Variants in UBAC2 observed in about 807,000 individuals in gnomAD.
UBAC2 encodes the protein UBA domain containing 2, also known as ubiquitin-associated domain-containing protein 2.
UBAC2 carries 26 observed loss-of-function variants against 44.0 expected under a neutral mutation model. That is an observed-to-expected ratio of 0.59 (90% CI 0.43 to 0.82). The LOEUF (loss-of-function observed/expected upper bound fraction) is 0.82. Ranked by LOEUF, UBAC2 falls within the 40% of genes least tolerant of loss-of-function variation. The pLI is 0.00. For missense variants in UBAC2, 329 were observed against 419.4 expected (o/e 0.78, Z 1.88); for synonymous variants, 155 against 154.3 (o/e 1.00, Z -0.04).
intron 4 of UBAC2, chr13:99,254,963 G>A (rs779000601): frequency 1.3e-5 from 21 of 1,613,820 alleles, no homozygotes; most frequent in East Asian, 6.7e-5. Context: ...AGGTAATTAC[G>A]GTATAGCATG....
chr13:99,250,977 C>T (rs1400842542), intron 4 of UBAC2, among the ~76,000 whole-genome samples: 10 of 152,118 alleles, frequency 6.6e-5, no homozygotes, highest in African/African-American at 2.2e-4. Flanking sequence ...TCTCGATCTC[C>T]TGACCTCGTG....
intron 4 of UBAC2, chr13:99,296,008 G>T (rs771815746): frequency 1.9e-6 from 3 of 1,613,710 alleles, no homozygotes; most frequent in Non-Finnish European, 2.5e-6. Context: ...AGTTTCCCAC[G>T]AGCCCAATGA....
chr13:99,279,295 A>T (rs1317283057), intron 4 of UBAC2, among the ~76,000 whole-genome samples: 1 of 152,188 alleles, frequency 6.6e-6, no homozygotes, highest in Non-Finnish European at 1.5e-5. Context: ...AAAGTTGACT[A>T]ATAAAAAGTT....
rs377652787 is a variant in UBAC2 at position 99,244,642 on chromosome 13, A to G, written c.389+18A>G. 3 of 1,450,592 alleles carry G rather than the reference A, an allele frequency of 2.1e-6. No homozygotes were observed. In the African/African-American group the frequency reaches 4.2e-5, roughly 20 times the overall value. The allele number at this position is 1,450,592 out of a possible 1,614,324, so 89.9% of individuals were successfully genotyped here. ...TCTGGATTGTAAGTAGCACTTAAAGATTGACTTAATTTAGAACTACTTGAA... is the reference window on the plus strand; with the variant it reads ...TCTGGATTGTAAGTAGCACTTAAAGGTTGACTTAATTTAGAACTACTTGAA... On this transcript the variant is annotated intron_variant, in intron 4 of 8. Coordinates refer to ENST00000403766, the MANE Select transcript of UBAC2 (RefSeq NM_001144072.2).
At position 99,385,342 on chromosome 13, in the gene UBAC2, C is replaced by T. The variant is rs761532728; in HGVS notation, c.*7C>T. 3.7e-6 allele frequency: 6 copies of T among 1,610,974 alleles called. No individual in the cohort carries two copies. The Admixed American group carries it at 1.0e-4, about 27-fold the overall frequency. On this transcript the variant is annotated 3_prime_UTR_variant, in exon 9 of 9. Transcript: ENST00000403766. ...CTTCCTGCTGCAGCACTGATAGTCCCAGGCCAACACTGGGACCGGACCGGC... is the reference window on the plus strand; with the variant it reads ...CTTCCTGCTGCAGCACTGATAGTCCTAGGCCAACACTGGGACCGGACCGGC...
chr13:99,211,766 G>A (rs1183216042), intron 1 of UBAC2, among the ~76,000 whole-genome samples: 1 of 152,206 alleles, frequency 6.6e-6, no homozygotes. Context: ...ATCTCCGTGT[G>A]TCTCCCAACC....
At chr13:99,272,111 G>A (rs1326111063) in intron 4 of UBAC2, among the ~76,000 whole-genome samples, 1 of 152,134 alleles carries the variant, frequency 6.6e-6, no homozygotes, top group Non-Finnish European at 1.5e-5. Flanking sequence ...CTCAGTCCCA[G>A]CTCTCTTTCC....
chr13:99,248,080 G>A (rs2142749204), intron 4 of UBAC2, among the ~76,000 whole-genome samples: 1 of 152,224 alleles, frequency 6.6e-6, no homozygotes, highest in East Asian at 1.9e-4. Context: ...GTTACTGCGT[G>A]CAGCTCTTTT....
At chr13:99,354,788 G>A (rs2138864890) in intron 7 of UBAC2, among the ~76,000 whole-genome samples, 1 of 152,306 alleles carries the variant, frequency 6.6e-6, no homozygotes, top group East Asian at 1.9e-4. Flanking sequence ...CACACTCACT[G>A]ACCGTGGCAT....
rs143571069 is a variant in UBAC2 at position 99,343,268 on chromosome 13, T to C, written c.807+2703T>C. Among the ~76,000 whole-genome samples, 43 of 151,580 alleles carry C rather than the reference T, an allele frequency of 2.8e-4. 1 individual carries two copies. The highest frequency in any genetic ancestry group is 9.4e-4 in the African/African-American group (39 of 41,338). On this transcript the variant is annotated intron_variant, in intron 7 of 8. Transcript: ENST00000403766. ...CACTTCATGGTGCAGCAGCAGTTTA[T>C]GCAAGTGGGATTCTTGGCTGTTTGC...
At chr13:99,222,856 T>C (rs1185883329) in intron 1 of UBAC2, among the ~76,000 whole-genome samples, 1 of 152,228 alleles carries the variant, frequency 6.6e-6, no homozygotes, top group Admixed American at 6.5e-5. Context: ...AGTGTAACAC[T>C]GGCTTCATAA....
intron 1 of UBAC2, among the ~76,000 whole-genome samples, chr13:99,223,902 A>G (rs1377363225): frequency 6.6e-6 from 1 of 150,976 alleles, no homozygotes; most frequent in African/African-American, 2.4e-5. Flanking sequence ...TATGCCCAGA[A>G]TATAGTCTAT....
chr13:99,216,834 C>CTTTTT (rs11338165), intron 1 of UBAC2, among the ~76,000 whole-genome samples: 13 of 140,624 alleles, frequency 9.2e-5, no homozygotes, highest in African/African-American at 3.5e-4. Context: ...TTTCTTTTTT[C>CTTTTT]TTTTTTTTTT....
intron 4 of UBAC2, chr13:99,254,932 CT>C (rs769289500): frequency 6.2e-7 from 1 of 1,613,876 alleles, no homozygotes; most frequent in Non-Finnish European, 8.5e-7. Flanking sequence ...AGATCGGAAA[CT>C]TTTTCTGCGC....
At chr13:99,264,713 C>T (rs1007785603) in intron 4 of UBAC2, among the ~76,000 whole-genome samples, 1 of 152,160 alleles carries the variant, frequency 6.6e-6, no homozygotes, top group Non-Finnish European at 1.5e-5. Flanking sequence ...CATTCCTCTC[C>T]CCAACTCTTT....
intron 1 of UBAC2, among the ~76,000 whole-genome samples, chr13:99,209,092 A>C (rs949354790): frequency 2.0e-5 from 3 of 152,214 alleles, no homozygotes; most frequent in Non-Finnish European, 4.4e-5. Flanking sequence ...CTGGCTGTGC[A>C]TGTGGGTCCC....
At chr13:99,275,256 T>C (rs1435462366) in intron 4 of UBAC2, among the ~76,000 whole-genome samples, 2 of 152,182 alleles carry the variant, frequency 1.3e-5, no homozygotes, top group African/African-American at 2.4e-5. Context: ...TTTACTGGGA[T>C]TGGAAGACTC....
At chr13:99,359,065 T>C (rs2045229123) in intron 7 of UBAC2, among the ~76,000 whole-genome samples, 1 of 152,022 alleles carries the variant, frequency 6.6e-6, no homozygotes, top group Admixed American at 6.5e-5. Context: ...CACCCGTGTC[T>C]GAAGGACAGG....
intron 1 of UBAC2, among the ~76,000 whole-genome samples, chr13:99,211,185 T>TA (rs2042933646): frequency 6.6e-6 from 1 of 152,186 alleles, no homozygotes; most frequent in Admixed American, 6.5e-5. Context: ...ACAGCAGCCC[T>TA]ATGAGGATAG....
Sources: allele counts gnomAD v4.1 joint callset (sites outside exome capture counted in the v4.1 genomes callset), GRCh38; gene constraint gnomAD v4.1.1; transcripts MANE v1.5; gene names NCBI Gene and HGNC (gene_info 2026-07-23, HGNC 2026-07-21).